Variants in CCM2L observed in about 807,000 individuals in gnomAD.
The protein encoded by CCM2L is cerebral cavernous malformations 2 protein-like.
Under a neutral mutation model 54.1 loss-of-function variants are expected in CCM2L, and 36 were observed. That is an observed-to-expected ratio of 0.67 (90% confidence interval 0.51 to 0.88). The LOEUF (loss-of-function observed/expected upper bound fraction) is 0.88. Ranked by LOEUF, CCM2L falls within the 40% of genes least tolerant of loss-of-function variation. CCM2L has a pLI of 0.00. For synonymous variants in CCM2L, 351 were observed against 359.3 expected, an observed-to-expected ratio of 0.98 and a Z score of 0.26; for missense variants, 700 against 812.1, an observed-to-expected ratio of 0.86 and a Z score of 1.68.
chr20:32,010,852 C>T (rs150741419), intron 1 of CCM2L, among the ~76,000 whole-genome samples: 3 of 152,288 alleles, frequency 2.0e-5, no homozygotes, highest in East Asian at 3.9e-4. Flanking sequence ...TTCTCCTGCT[C>T]GTCACTGCCC....
chr20:32,026,038 A>C, intron 7 of CCM2L, 119 bp downstream of exon 7: 1 of 691,282 alleles, frequency 1.4e-6, no homozygotes, highest in South Asian at 1.6e-5. Context: ...ACTGGGCACT[A>C]AGAGGGGGAG....
rs1261553833 is a variant in CCM2L at position 32,018,173 on chromosome 20, AGGGGGC to A, written c.466+23_466+28del. 3.1e-5 allele frequency: 28 copies of A among 917,406 alleles called. No homozygotes were observed. Among genetic ancestry groups the A allele is most frequent in the East Asian group, 1.3e-4 (1 of 7,442 alleles). The allele number at this position is 917,406 out of a possible 1,614,324, so 56.8% of individuals were successfully genotyped here. On this transcript the variant is annotated intron_variant, in intron 4 of 9. Transcript: ENST00000452892. ...TAGTGCTCAAGACCGGTGCGGCGGG[AGGGGGC>A]GGGGGCGGGGGAGGGGCGGGGGCGG...
rs751233490 is a variant in CCM2L, at chr20:32,018,011, G to A, written c.315G>A (p.Ala105=). The A allele has an allele frequency of 9.3e-6, 15 of 1,613,824 alleles. No individual in the cohort carries two copies. Among genetic ancestry groups the A allele is most frequent in the South Asian group, 6.6e-5 (6 of 91,060 alleles). ...AGGAGCTGCCGCTGAAGACCACGGC[G>A]GAGCAGGACAGCATCCTGAGCCTGT... ...QLKELPLKTT[A]EQDSILSLSA... Residue 105 remains alanine, a synonymous_variant, in exon 4 of 10, where the codon GCG becomes GCA. Transcript: ENST00000452892.
chr20:32,011,550 C>T (rs1224579170), intron 1 of CCM2L, among the ~76,000 whole-genome samples: 1 of 152,020 alleles, frequency 6.6e-6, no homozygotes, highest in African/African-American at 2.4e-5. Flanking sequence ...GCCAAGATCG[C>T]GCCACTGCAC....
chr20:32,011,386 C>G (rs2064694203), intron 1 of CCM2L, among the ~76,000 whole-genome samples: 1 of 152,086 alleles, frequency 6.6e-6, no homozygotes, highest in African/African-American at 2.4e-5. Context: ...GGGTGGATCA[C>G]CTGAGGTCAG....
chr20:32,030,920 C>A, intron 9 of CCM2L, 81 bp from the exon 10 acceptor site: 1 of 1,212,400 alleles, frequency 8.2e-7, no homozygotes, highest in Non-Finnish European at 1.1e-6. Context: ...GATTTGCACC[C>A]AGATCTGCAG....
Position 32,031,212 on chromosome 20 carries a change from G to T in CCM2L, c.1614G>T (p.Thr538=). 2.3e-6 allele frequency: 3 copies of T among 1,300,924 alleles called. No homozygotes were observed. The highest frequency in any genetic ancestry group is 3.0e-6 in the Non-Finnish European group (3 of 988,590). The allele number at this position is 1,300,924 out of a possible 1,614,324, so 80.6% of individuals were successfully genotyped here. A position where few individuals can be genotyped will look rare whatever the true frequency, so the allele number is the denominator to read the frequency against. Residue 538 remains threonine, a synonymous_variant, in exon 10 of 10, where the codon ACG becomes ACT. Transcript: ENST00000452892. ...QAFHRLLADI[T]HDIEALAPDD... ...TCCACCGGCTGCTGGCTGACATCAC[G>T]CACGACATCGAGGCGCTGGCCCCCG...
At position 32,019,362 on chromosome 20, in the gene CCM2L, A is replaced by C. The variant is rs1377901803; in HGVS notation, c.886A>C (p.Ser296Arg). 1.1e-5 allele frequency: 16 copies of C among 1,512,466 alleles called. No individual in the cohort carries two copies. The highest frequency in any genetic ancestry group is 1.4e-5 in the Non-Finnish European group (16 of 1,137,748). 93.7% of individuals were successfully genotyped at this position (1,512,466 alleles called of 1,614,324 possible). Residue 296 changes from serine to arginine, a missense_variant, in exon 5 of 10, where the codon AGC becomes CGC. Ser to Arg is a moderately radical substitution (Grantham distance 110). Transcript: ENST00000452892. Reference sequence around the variant, plus strand: ...CAACCCGCTCGACCCGCAGGACCCCAGCCCCGACGCCTACTGCAACCTGGT... The same window carrying C: ...CAACCCGCTCGACCCGCAGGACCCCCGCCCCGACGCCTACTGCAACCTGGT... ...GPNPLDPQDP[S>R]PDAYCNLVIL...
chr20:32,026,789 T>A (rs2064864944), intron 7 of CCM2L, among the ~76,000 whole-genome samples: 1 of 150,696 alleles, frequency 6.6e-6, no homozygotes, highest in African/African-American at 2.4e-5. Flanking sequence ...GGCAGGAGAA[T>A]GGCGTGAACC....
intron 7 of CCM2L, 128 bp downstream of exon 7, chr20:32,026,047 A>G: frequency 3.4e-6 from 2 of 591,590 alleles, no homozygotes; most frequent in South Asian, 1.7e-5. Context: ...TAAGAGGGGG[A>G]GGTAAACTGA....
intron 1 of CCM2L, among the ~76,000 whole-genome samples, chr20:32,014,220 G>T (rs1036000917): frequency 1.4e-5 from 2 of 146,222 alleles, no homozygotes; most frequent in African/African-American, 5.0e-5. Flanking sequence ...ATATATTTAT[G>T]TATATGATTT....
intron 9 of CCM2L, among the ~76,000 whole-genome samples, chr20:32,030,708 G>A (rs1035779555): frequency 3.3e-5 from 5 of 151,334 alleles, no homozygotes; most frequent in East Asian, 1.9e-4. Flanking sequence ...GGTGGTGTGC[G>A]CCTGTAATCC....
At chr20:32,022,885 G>C in intron 6 of CCM2L, 90 bp downstream of exon 6, 2 of 1,423,714 alleles carry the variant, frequency 1.4e-6, no homozygotes, top group Non-Finnish European at 1.9e-6. Flanking sequence ...GGCTGATGAA[G>C]GTATTTAGGG....
rs774854779 is a variant in CCM2L, at chr20:32,014,982, C to T, written c.109C>T (p.Arg37Trp). ...RAACRSSVSR[R>W]PLHSMPLYPP... is the part of the protein sequence containing the mutation. ...AGCCTGTAGGAGCAGCGTGAGCCGC[C>T]GGCCCCTGCACTCGATGCCCCTTTA... Residue 37 changes from arginine to tryptophan, a missense_variant, in exon 2 of 10, where the codon CGG becomes TGG. Physicochemically the swap from Arg to Trp is moderately radical, Grantham distance 101. Coordinates refer to ENST00000452892, the MANE Select transcript of CCM2L (RefSeq NM_001365692.1). The T allele has an allele frequency of 3.8e-6, 6 of 1,589,456 alleles. No individual in the cohort carries two copies. Among genetic ancestry groups the T allele is most frequent in the Middle Eastern group, 3.4e-4 (2 of 5,970 alleles).
chr20:32,016,675 T>A (rs1212709947), intron 2 of CCM2L, among the ~76,000 whole-genome samples: 3 of 151,878 alleles, frequency 2.0e-5, no homozygotes, highest in African/African-American at 4.8e-5. Context: ...CGCCAAAAAT[T>A]GTTGTTTTCA....
intron 7 of CCM2L, 194 bp from the exon 8 acceptor site, chr20:32,028,801 G>C: frequency 3.2e-6 from 2 of 625,698 alleles, no homozygotes; most frequent in Non-Finnish European, 5.5e-6. Flanking sequence ...AAGGGGGGTG[G>C]GGGGCGCGAA....
intron 4 of CCM2L, among the ~76,000 whole-genome samples, chr20:32,018,596 T>C (rs1245628639): frequency 4.6e-5 from 7 of 151,426 alleles, no homozygotes; most frequent in African/African-American, 1.7e-4. Context: ...GGGCGGTCCC[T>C]GAAACCCGGG....
chr20:32,018,495 C>A (rs565142648), intron 4 of CCM2L, among the ~76,000 whole-genome samples: 3 of 150,942 alleles, frequency 2.0e-5, no homozygotes, highest in Non-Finnish European at 4.4e-5. Flanking sequence ...AGTTACCACC[C>A]GGCTCTGAGG....
In CCM2L at chr20:32,029,838, G is replaced by T; in HGVS notation, c.1402G>T (p.Gly468Trp). 1 of 1,598,962 alleles carries T rather than the reference G, an allele frequency of 6.3e-7. No individual in the cohort carries two copies. Among genetic ancestry groups the T allele is most frequent in the Non-Finnish European group, 8.5e-7 (1 of 1,170,930 alleles). The change falls in exon 9 of 10, where the codon GGG (glycine) becomes TGG (tryptophan). Residue 468 changes from glycine (G) to tryptophan (W), a missense_variant and splice_region_variant. Gly to Trp is a radical substitution (Grantham distance 184). Transcript: ENST00000452892. ...YGDRRKFLLL[G>W]MRPFIPDQDI... is the part of the protein sequence containing the mutation. ...AGACCGGCGCAAGTTCCTCCTCCTTGGTGAGCCCCCGCTGTACCCCCAGAG... is the reference window on the plus strand; with the variant it reads ...AGACCGGCGCAAGTTCCTCCTCCTTTGTGAGCCCCCGCTGTACCCCCAGAG...
Sources: gnomAD v4.1 joint callset for allele counts (sites outside exome capture counted in the v4.1 genomes callset) on GRCh38, gnomAD v4.1.1 for gene constraint, MANE v1.5 for transcripts, NCBI Gene and HGNC (gene_info 2026-07-23, HGNC 2026-07-21) for gene names.